The following PRKG1 variants were observed in gnomAD, a reference collection of about 807,000 sequenced individuals.
PRKG1 encodes protein kinase cGMP-dependent 1, also known as cGMP-dependent protein kinase 1.
Under a neutral mutation model 88.1 loss-of-function variants are expected in PRKG1, and 35 were observed. The ratio of observed to expected loss-of-function variants is 0.40; its 90% CI spans 0.30 to 0.53. The LOEUF (loss-of-function observed/expected upper bound fraction) is 0.53, where lower values mean the gene tolerates loss of function less well. Ranked by LOEUF, PRKG1 falls within the 20% of genes least tolerant of loss-of-function variation. The probability of loss-of-function intolerance (pLI) is 0.59; values close to 1 mark genes in which losing one functional copy is unlikely to be tolerated. For missense variants in PRKG1, 540 were observed against 839.8 expected (o/e 0.64, Z 4.41); for synonymous variants, 303 against 292.5 (o/e 1.04, Z -0.37).
chr10:51,363,896 G>A (rs1255588775), intron 2 of PRKG1, among the ~76,000 whole-genome samples: 2 of 151,954 alleles, frequency 1.3e-5, no homozygotes, highest in Non-Finnish European at 2.9e-5. Flanking sequence ...GAGTGAGAAT[G>A]TGCATACTAA....
At chr10:52,171,606 G>T (rs1198494460) in intron 9 of PRKG1, among the ~76,000 whole-genome samples, 2 of 151,960 alleles carry the variant, frequency 1.3e-5, no homozygotes, top group African/African-American at 4.8e-5. Flanking sequence ...GTATACAATG[G>T]TTTCTAAGGC....
intron 5 of PRKG1, among the ~76,000 whole-genome samples, chr10:51,927,283 G>A (rs1407549774): frequency 2.0e-5 from 3 of 152,082 alleles, no homozygotes; most frequent in Non-Finnish European, 4.4e-5. Flanking sequence ...TTTATAAGGG[G>A]TTTCCCATTT....
At chr10:51,419,879 T>C (rs1373932400) in intron 2 of PRKG1, among the ~76,000 whole-genome samples, 1 of 151,524 alleles carries the variant, frequency 6.6e-6, no homozygotes, top group Non-Finnish European at 1.5e-5. Context: ...AGCAGCATAA[T>C]TAAAGTTCTG....
Position 52,059,796 on chromosome 10 carries a change from A to G in PRKG1, c.841-2741A>G, listed in dbSNP as rs997144811. ...CTATATGATAGAAGTAAATTTTACT[A>G]TATGATAACTTAAAAATTCATGTAT... is the stretch of plus-strand genomic sequence containing the variant. On this transcript the variant is annotated intron_variant, in intron 6 of 17. Transcript: ENST00000373980. Among the ~76,000 whole-genome samples, 10 of 151,912 alleles carry G rather than the reference A, an allele frequency of 6.6e-5. 1 individual carries two copies. Among genetic ancestry groups the G allele is most frequent in the Admixed American group, 5.9e-4 (9 of 15,260 alleles).
At chr10:51,709,751 T>G (rs1841696494) in intron 3 of PRKG1, among the ~76,000 whole-genome samples, 1 of 152,164 alleles carries the variant, frequency 6.6e-6, no homozygotes, top group Non-Finnish European at 1.5e-5. Context: ...GACTGGGTAA[T>G]AGTTGCAGGT....
intron 2 of PRKG1, among the ~76,000 whole-genome samples, chr10:51,408,016 C>G (rs1459778282): frequency 6.6e-6 from 1 of 152,176 alleles, no homozygotes; most frequent in African/African-American, 2.4e-5. Context: ...ACTAAGACCT[C>G]TAGGCCAGCA....
intron 8 of PRKG1, among the ~76,000 whole-genome samples, chr10:52,155,629 A>G (rs2174258): frequency 0.72 from 109,014 of 150,948 alleles, 40,399 homozygotes; most frequent in South Asian, 0.86. Context: ...AGGAGGATAC[A>G]TGCCAAAGTG....
intron 3 of PRKG1, among the ~76,000 whole-genome samples, chr10:51,525,923 T>G (rs901057018): frequency 6.6e-6 from 1 of 151,934 alleles, no homozygotes; most frequent in Non-Finnish European, 1.5e-5. Context: ...CCTCCCAAGT[T>G]CAAGCGATTC....
intron 14 of PRKG1, among the ~76,000 whole-genome samples, chr10:52,286,166 T>C (rs1288134232): frequency 6.6e-6 from 1 of 152,086 alleles, no homozygotes; most frequent in Non-Finnish European, 1.5e-5. Flanking sequence ...TAAGGAATAG[T>C]CTTATTGGCA....
At chr10:51,409,727 G>T (rs1263733188) in intron 2 of PRKG1, among the ~76,000 whole-genome samples, 1 of 151,512 alleles carries the variant, frequency 6.6e-6, no homozygotes, top group Non-Finnish European at 1.5e-5. Context: ...GGTGATGCGT[G>T]CCTGTAATCC....
chr10:51,988,024 C>T (rs943503278), intron 5 of PRKG1, among the ~76,000 whole-genome samples: 1 of 151,984 alleles, frequency 6.6e-6, no homozygotes, highest in African/African-American at 2.4e-5. Flanking sequence ...TGTTATAGTT[C>T]AGTCCTGCTT....
intron 9 of PRKG1, among the ~76,000 whole-genome samples, chr10:52,209,384 A>G (rs922119334): frequency 6.6e-6 from 1 of 152,170 alleles, no homozygotes; most frequent in Non-Finnish European, 1.5e-5. Flanking sequence ...AAATGTCATA[A>G]TCATTCTTAG....
chr10:51,278,957 A>G (rs1158743188), intron 2 of PRKG1, among the ~76,000 whole-genome samples: 1 of 151,458 alleles, frequency 6.6e-6, no homozygotes, highest in African/African-American at 2.4e-5. Flanking sequence ...TATTTCCTTC[A>G]TTTCTGCTCT....
At chr10:51,195,092 C>T (rs1177506343) in intron 2 of PRKG1, among the ~76,000 whole-genome samples, 1 of 152,194 alleles carries the variant, frequency 6.6e-6, no homozygotes, top group Non-Finnish European at 1.5e-5. Context: ...ATGCAGGAAA[C>T]ACATAGCCTT....
chr10:52,012,266 G>A (rs1468705058), intron 5 of PRKG1, among the ~76,000 whole-genome samples: 2 of 141,244 alleles, frequency 1.4e-5, no homozygotes, highest in South Asian at 2.2e-4. Flanking sequence ...TTTTGAGACA[G>A]GGTCTGACTG....
At chr10:51,929,668 G>A (rs1397802940) in intron 5 of PRKG1, among the ~76,000 whole-genome samples, 1 of 152,088 alleles carries the variant, frequency 6.6e-6, no homozygotes, top group Non-Finnish European at 1.5e-5. Context: ...TGATATAAAT[G>A]TAAAACACAG....
chr10:51,480,180 A>G (rs1312871526), intron 3 of PRKG1, among the ~76,000 whole-genome samples: 6 of 152,198 alleles, frequency 3.9e-5, no homozygotes, highest in Admixed American at 3.9e-4. Context: ...CTGATTCTCA[A>G]TTATTATTAA....
chr10:51,239,139 A>G (rs1350573933), intron 2 of PRKG1, among the ~76,000 whole-genome samples: 1 of 152,186 alleles, frequency 6.6e-6, no homozygotes, highest in Non-Finnish European at 1.5e-5. Context: ...AGTAAATTAA[A>G]ATAGAAGTTC....
At chr10:51,179,096 C>A (rs376340015) in intron 2 of PRKG1, among the ~76,000 whole-genome samples, 1 of 152,136 alleles carries the variant, frequency 6.6e-6, no homozygotes, top group African/African-American at 2.4e-5. Flanking sequence ...TGATGACTTG[C>A]GCTTAATGAT....
Sources: allele counts gnomAD v4.1 joint callset (sites outside exome capture counted in the v4.1 genomes callset), GRCh38; gene constraint gnomAD v4.1.1; transcripts MANE v1.5; gene names NCBI Gene and HGNC (gene_info 2026-07-23, HGNC 2026-07-21).